GNAQ: variants seen among roughly 807,000 people sequenced by gnomAD.
GNAQ encodes the protein guanine nucleotide-binding protein G(q) subunit alpha.
GNAQ carries 8 observed loss-of-function variants against 43.9 expected under a neutral mutation model. The observed-to-expected ratio is 0.18, with a 90% confidence interval of 0.11 to 0.33. GNAQ has a LOEUF of 0.33. Among genes scored for constraint, GNAQ ranks in the 10% least tolerant of loss-of-function variants. The pLI, the probability that GNAQ is intolerant of heterozygous loss-of-function variation, is 1.00. For synonymous variants in GNAQ, 155 were observed against 170.7 expected, an observed-to-expected ratio of 0.91 and a Z score of 0.71; for missense variants, 158 against 450.8, an observed-to-expected ratio of 0.35 and a Z score of 5.88.
intron 2 of GNAQ, among the ~76,000 whole-genome samples, chr9:77,834,813 T>A (rs1186868171): frequency 3.3e-5 from 5 of 152,162 alleles, no homozygotes; most frequent in African/African-American, 1.2e-4. Context: ...TATGCCCCAC[T>A]CCCAATCTGT....
intron 2 of GNAQ, among the ~76,000 whole-genome samples, chr9:77,845,394 A>C (rs1230937732): frequency 6.6e-6 from 1 of 152,214 alleles, no homozygotes. Flanking sequence ...GGAATAATGC[A>C]AATTCCTTAC....
rs748225408 is a variant in GNAQ, at chr9:77,797,504, T to C, written c.605+16A>G. 1 of 1,604,982 alleles carries C rather than the reference T, an allele frequency of 6.2e-7. No individual in the cohort carries two copies. The highest frequency in any genetic ancestry group is 8.5e-7 in the Non-Finnish European group (1 of 1,172,068). On this transcript the variant is annotated intron_variant, in intron 4 of 6. Coordinates refer to ENST00000286548, the MANE Select transcript of GNAQ (RefSeq NM_002072.5). ...CATAAAAGCTGGGAAATAGGTTTCA[T>C]GGACTCAGTTACTACCTGAAAATGA... is the stretch of plus-strand genomic sequence containing the variant.
At chr9:77,837,972 C>T (rs1194830962) in intron 2 of GNAQ, among the ~76,000 whole-genome samples, 1 of 151,446 alleles carries the variant, frequency 6.6e-6, no homozygotes. Flanking sequence ...ATCCTCCTGC[C>T]TCAGCCTCCT....
chr9:78,003,812 T>TAAAAAAAAAAAAAAA (rs557188160), intron 1 of GNAQ, among the ~76,000 whole-genome samples: 1 of 91,602 alleles, frequency 1.1e-5, no homozygotes. Context: ...CAAGACTGTC[T>TAAAAAAAAAAAAAAA]AAAAAAAAAA....
At chr9:77,843,342 C>G (rs1478482486) in intron 2 of GNAQ, among the ~76,000 whole-genome samples, 1 of 152,168 alleles carries the variant, frequency 6.6e-6, no homozygotes, top group Non-Finnish European at 1.5e-5. Context: ...GAGGCAGGGA[C>G]AGAGGAAGCG....
chr9:78,022,244 G>T (rs1823920211), intron 1 of GNAQ, among the ~76,000 whole-genome samples: 1 of 152,144 alleles, frequency 6.6e-6, no homozygotes, highest in South Asian at 2.1e-4. Context: ...TTCATCCAGG[G>T]GTGAGTTTGG....
intron 2 of GNAQ, among the ~76,000 whole-genome samples, chr9:77,836,450 G>A (rs1827386546): frequency 6.6e-6 from 1 of 152,058 alleles, no homozygotes; most frequent in African/African-American, 2.4e-5. Flanking sequence ...AATCTTATTC[G>A]GTTTGAAATA....
intron 1 of GNAQ, among the ~76,000 whole-genome samples, chr9:77,968,289 A>G (rs1823194533): frequency 6.6e-6 from 1 of 152,230 alleles, no homozygotes; most frequent in African/African-American, 2.4e-5. Flanking sequence ...TTAGAATAAA[A>G]TATTTCAGGA....
chr9:77,815,565 C>T (rs769896391), intron 3 of GNAQ, 51 bp downstream of exon 3: 2 of 1,188,336 alleles, frequency 1.7e-6, no homozygotes, highest in Non-Finnish European at 2.5e-6. Context: ...ATAAAACCTC[C>T]ACATGGAAGT....
intron 1 of GNAQ, among the ~76,000 whole-genome samples, chr9:77,991,064 A>T (rs1823501189): frequency 6.6e-6 from 1 of 152,264 alleles, no homozygotes; most frequent in African/African-American, 2.4e-5. Flanking sequence ...GCTTTCAAGT[A>T]TGCATGACAG....
chr9:77,967,126 A>T (rs1192800733), intron 1 of GNAQ, among the ~76,000 whole-genome samples: 4 of 152,108 alleles, frequency 2.6e-5, no homozygotes, highest in African/African-American at 9.7e-5. Context: ...CGTGTAGGTG[A>T]ACTATCTTCT....
At chr9:77,805,711 T>C (rs1193833736) in intron 3 of GNAQ, among the ~76,000 whole-genome samples, 1 of 152,080 alleles carries the variant, frequency 6.6e-6, no homozygotes, top group Non-Finnish European at 1.5e-5. Flanking sequence ...GCCAAAAAGT[T>C]TGCTTTTAAT....
chr9:77,946,276 A>G (rs956921588), intron 1 of GNAQ, among the ~76,000 whole-genome samples: 2 of 152,230 alleles, frequency 1.3e-5, no homozygotes, highest in Non-Finnish European at 1.5e-5. Flanking sequence ...AAATATCCTT[A>G]TTAGTAATCT....
At chr9:77,869,209 A>C (rs1045731938) in intron 2 of GNAQ, among the ~76,000 whole-genome samples, 21 of 152,204 alleles carry the variant, frequency 1.4e-4, no homozygotes, top group African/African-American at 5.1e-4. Context: ...AAAAATTGAC[A>C]TTCTAGAGGG....
At chr9:77,834,807 C>T (rs1827357536) in intron 2 of GNAQ, among the ~76,000 whole-genome samples, 1 of 152,120 alleles carries the variant, frequency 6.6e-6, no homozygotes, top group Non-Finnish European at 1.5e-5. Flanking sequence ...AAACCCTATG[C>T]CCCACTCCCA....
At chr9:77,746,885 G>A (rs1203196448) in intron 5 of GNAQ, among the ~76,000 whole-genome samples, 1 of 152,140 alleles carries the variant, frequency 6.6e-6, no homozygotes, top group African/African-American at 2.4e-5. Flanking sequence ...CAGTCCCCCT[G>A]GCTATCAGGA....
Position 77,894,081 on chromosome 9 carries a change from A to C in GNAQ, c.321+28080T>G, listed in dbSNP as rs1828447895. 2.0e-5 allele frequency among the ~76,000 whole-genome samples: 3 copies of C among 152,060 alleles called. No homozygotes were observed. The East Asian group carries it at 5.8e-4, about 30-fold the overall frequency. ...AGGTGAGGAAAATGTGTCCTAGAGA[A>C]ATTATCTCACATGGCAAATAAGTAA... On this transcript the variant is annotated intron_variant, in intron 2 of 6. Transcript: ENST00000286548.
chr9:77,904,628 G>C (rs113704551), intron 2 of GNAQ, among the ~76,000 whole-genome samples: 9 of 151,972 alleles, frequency 5.9e-5, no homozygotes, highest in African/African-American at 2.2e-4. Flanking sequence ...CACCGTGCCC[G>C]GCCCTGTTTA....
intron 1 of GNAQ, among the ~76,000 whole-genome samples, chr9:77,965,477 T>C (rs1823155049): frequency 6.6e-6 from 1 of 152,046 alleles, no homozygotes; most frequent in Non-Finnish European, 1.5e-5. Flanking sequence ...TACAGACTTG[T>C]ATCCAGAAAA....
Sources: gnomAD v4.1 joint callset for allele counts (sites outside exome capture counted in the v4.1 genomes callset) on GRCh38, gnomAD v4.1.1 for gene constraint, MANE v1.5 for transcripts, NCBI Gene and HGNC (gene_info 2026-07-23, HGNC 2026-07-21) for gene names.